TSPAN4: variants seen among roughly 807,000 people sequenced by gnomAD.
The protein encoded by TSPAN4 is tetraspanin-4.
TSPAN4 carries 38 observed loss-of-function variants against 31.5 expected under a neutral mutation model. The ratio of observed to expected loss-of-function variants is 1.21; its 90% confidence interval spans 0.93 to 1.58. The LOEUF (loss-of-function observed/expected upper bound fraction) is 1.58. TSPAN4 is among the 40% of genes most tolerant of loss of function. TSPAN4 has a pLI of 0.00. For missense variants in TSPAN4, 330 were observed against 317.3 expected (o/e 1.04, Z -0.30); for synonymous variants, 186 against 144.6 (o/e 1.29, Z -2.06).
At chr11:858,521 C>T in intron 3 of TSPAN4, 1 of 173,278 alleles carries the variant, frequency 5.8e-6, no homozygotes, top group Non-Finnish European at 1.2e-5. Context: ...CCCCGGATCC[C>T]ACCCCCGCTG....
At chr11:862,875 A>C in intron 4 of TSPAN4, 134 bp downstream of exon 4, 1 of 1,009,044 alleles carries the variant, frequency 9.9e-7, no homozygotes, top group South Asian at 1.7e-5. Context: ...CCAGGCTGGC[A>C]GTGTGGCCCG....
At chr11:852,220 T>G (rs1354820705) in intron 3 of TSPAN4, among the ~76,000 whole-genome samples, 2 of 152,014 alleles carry the variant, frequency 1.3e-5, no homozygotes, top group Non-Finnish European at 2.9e-5. Flanking sequence ...ATCTCTGGGG[T>G]TCAAGCGATT....
At chr11:847,113 G>C (rs1847364102) in intron 1 of TSPAN4, 88 bp from the exon 2 acceptor site, 1 of 152,222 alleles carries the variant, frequency 6.6e-6, no homozygotes. Flanking sequence ...CCCAGGTGGG[G>C]GTTCCCTGCC....
chr11:849,623 C>T (rs1213746910), intron 2 of TSPAN4, among the ~76,000 whole-genome samples: 1 of 151,902 alleles, frequency 6.6e-6, no homozygotes, highest in African/African-American at 2.4e-5. Flanking sequence ...TCCTCCCGCG[C>T]GCGAAGGTGG....
chr11:861,300 C>G (rs993146765), intron 3 of TSPAN4, among the ~76,000 whole-genome samples: 1 of 152,246 alleles, frequency 6.6e-6, no homozygotes, highest in Non-Finnish European at 1.5e-5. Flanking sequence ...TTGTTCCCAC[C>G]AGTGCCCATG....
In TSPAN4 at chr11:865,494, A is replaced by AC. The variant is rs576041709; in HGVS notation, c.331-11dup. The AC allele has an allele frequency of 6.7e-4, 1,056 of 1,585,914 alleles. 2 individuals are homozygous for AC. The highest frequency in any genetic ancestry group is 5.3e-3 in the East Asian group (236 of 44,350). Reference sequence around the variant, plus strand: ...GGGTACAGTGGGAGGGGCCCTGCTGACCCCCCCCGCACCCCCAGATTGACA... The same window carrying AC: ...GGGTACAGTGGGAGGGGCCCTGCTGACCCCCCCCCGCACCCCCAGATTGACA... On this transcript the variant is annotated intron_variant, in intron 5 of 8. Coordinates refer to ENST00000397397, the MANE Select transcript of TSPAN4 (RefSeq NM_003271.5).
In TSPAN4 at chr11:866,992, G is replaced by A. The variant is rs1033911036; in HGVS notation, c.*362G>A. ...GTTGGCGCTGGAGGAGCCGGGTCTT[G>A]GCATCCTGGAGGTGGCCCCACTGGT... On this transcript the variant is annotated 3_prime_UTR_variant, in exon 9 of 9. Transcript: ENST00000397397. 1 of 206,398 alleles carries A rather than the reference G, an allele frequency of 4.8e-6. No homozygotes were observed. Among genetic ancestry groups the A allele is most frequent in the Non-Finnish European group, 9.8e-6 (1 of 102,484 alleles). The allele number at this position is 206,398 out of a possible 1,614,324, so 12.8% of individuals were successfully genotyped here.
chr11:862,732 C>T lies in TSPAN4; in HGVS notation c.246C>T (p.Leu82=). 3 of 1,611,198 alleles carry T rather than the reference C, an allele frequency of 1.9e-6. No homozygotes were observed. The highest frequency in any genetic ancestry group is 2.5e-6 in the Non-Finnish European group (3 of 1,178,858). The change falls in exon 4 of 9, where the codon CTC becomes CTT. Residue 82 remains leucine, a synonymous_variant. Transcript: ENST00000397397. Reference sequence around the variant, plus strand: ...GTGCCATCAAGGAGAACAAGTGCCTCCTGCTCACTGTGAGTGCCGGGGCCC... The same window carrying T: ...GTGCCATCAAGGAGAACAAGTGCCTTCTGCTCACTGTGAGTGCCGGGGCCC... The part of the protein sequence containing the change: ...CLGAIKENKC[L]LLTFFLLLLL...
chr11:845,433 G>A (rs1051258219), intron 1 of TSPAN4, among the ~76,000 whole-genome samples: 4 of 152,180 alleles, frequency 2.6e-5, no homozygotes, highest in Non-Finnish European at 5.9e-5. Context: ...GAGCGGTGGG[G>A]CCTGTAGATG....
intron 4 of TSPAN4, chr11:864,195 C>T: frequency 1.7e-6 from 1 of 584,752 alleles, no homozygotes; most frequent in Admixed American, 3.0e-5. Context: ...GAGGGGAGCC[C>T]AGGCCAGCCC....
chr11:865,445 G>GA (rs1848714580), intron 5 of TSPAN4, 68 bp from the exon 6 acceptor site: 2 of 1,341,254 alleles, frequency 1.5e-6, no homozygotes, highest in African/African-American at 2.9e-5. Context: ...AGGGGCCGGC[G>GA]AGGGGGTCTG....
At chr11:850,160 C>A (rs906034420) in intron 2 of TSPAN4, 128 bp from the exon 3 acceptor site, 7 of 700,230 alleles carry the variant, frequency 1.0e-5, no homozygotes, top group African/African-American at 3.8e-5. Flanking sequence ...GCGGCGGGGA[C>A]GCCGGGGGCT....
At chr11:844,774 G>T (rs1412774467) in intron 1 of TSPAN4, among the ~76,000 whole-genome samples, 8 of 152,024 alleles carry the variant, frequency 5.3e-5, no homozygotes, top group African/African-American at 1.9e-4. Context: ...GCGTTGTGGA[G>T]CCTCCTGTGG....
chr11:865,437 G>C (rs1848713129), intron 5 of TSPAN4, 76 bp from the exon 6 acceptor site: 2 of 1,231,782 alleles, frequency 1.6e-6, no homozygotes, highest in Non-Finnish European at 1.2e-6. Flanking sequence ...CCCAGCTTAG[G>C]GGCCGGCGAG....
intron 1 of TSPAN4, chr11:844,557 C>T (rs1398048747): frequency 6.6e-6 from 1 of 152,198 alleles, no homozygotes; most frequent in Non-Finnish European, 1.5e-5. Context: ...TACCTGAGGA[C>T]CCTGGGGAGC....
intron 3 of TSPAN4, among the ~76,000 whole-genome samples, chr11:861,076 G>C (rs972884493): frequency 1.3e-5 from 2 of 152,320 alleles, no homozygotes; most frequent in Non-Finnish European, 2.9e-5. Flanking sequence ...GTGGGGTCCT[G>C]GCGGACCCCT....
intron 3 of TSPAN4, chr11:862,324 T>G: frequency 5.5e-6 from 3 of 550,312 alleles, no homozygotes; most frequent in South Asian, 2.4e-5. Context: ...ACTGTGGCCA[T>G]GGAGTGTGGG....
At chr11:861,584 C>T (rs1014435085) in intron 3 of TSPAN4, among the ~76,000 whole-genome samples, 11 of 152,158 alleles carry the variant, frequency 7.2e-5, no homozygotes, top group Middle Eastern at 3.4e-3. Context: ...TGGTGGCGGG[C>T]GCCTGTAGTC....
At chr11:857,039 CTGT>C (rs935712390) in intron 3 of TSPAN4, 3 of 152,308 alleles carry the variant, frequency 2.0e-5, no homozygotes, top group Non-Finnish European at 2.9e-5. Flanking sequence ...GCAACGTGGG[CTGT>C]TGTCTGTCAC....
Sources: allele counts gnomAD v4.1 joint callset (sites outside exome capture counted in the v4.1 genomes callset), GRCh38; gene constraint gnomAD v4.1.1; transcripts MANE v1.5; gene names NCBI Gene and HGNC (gene_info 2026-07-23, HGNC 2026-07-21).